Variants in BRINP1 observed in about 807,000 individuals in gnomAD.
The protein encoded by BRINP1 is BMP/retinoic acid inducible neural specific 1.
Under a neutral mutation model 72.9 loss-of-function variants are expected in BRINP1, and 17 were observed. The observed-to-expected ratio is 0.23, with a 90% CI of 0.16 to 0.35. The LOEUF (loss-of-function observed/expected upper bound fraction) is 0.35. Ranked by LOEUF, BRINP1 falls within the 10% of genes least tolerant of loss-of-function variation. The probability of loss-of-function intolerance (pLI) is 1.00; values close to 1 mark genes in which losing one functional copy is unlikely to be tolerated. For missense variants in BRINP1, 850 were observed against 1,001.6 expected (o/e 0.85, Z 2.04); for synonymous variants, 418 against 378.5 (o/e 1.10, Z -1.21).
intron 2 of BRINP1, among the ~76,000 whole-genome samples, chr9:119,281,312 A>C (rs906916066): frequency 6.6e-6 from 1 of 152,196 alleles, no homozygotes; most frequent in Non-Finnish European, 1.5e-5. Context: ...TGCAATCTGC[A>C]ATCAATCAGC....
intron 2 of BRINP1, among the ~76,000 whole-genome samples, chr9:119,285,113 C>T (rs1214902206): frequency 2.0e-5 from 3 of 151,582 alleles, no homozygotes; most frequent in African/African-American, 7.3e-5. Flanking sequence ...GCACGGTTCC[C>T]AAGGCCTTCT....
chr9:119,173,285 C>A (rs1010969384), intron 7 of BRINP1, among the ~76,000 whole-genome samples: 19 of 150,270 alleles, frequency 1.3e-4, no homozygotes, highest in African/African-American at 4.7e-4. Context: ...TCAGCAAAGT[C>A]TCAGGATACA....
At chr9:119,297,719 G>T (rs748825776) in intron 2 of BRINP1, among the ~76,000 whole-genome samples, 94 of 152,108 alleles carry the variant, frequency 6.2e-4, no homozygotes, top group Non-Finnish European at 1.1e-3. Flanking sequence ...GCTCATTTAG[G>T]TTCAACTGGC....
chr9:119,252,552 A>G (rs1830401425), intron 2 of BRINP1, among the ~76,000 whole-genome samples: 2 of 146,798 alleles, frequency 1.4e-5, no homozygotes, highest in South Asian at 2.2e-4. Context: ...ATATAGTCAT[A>G]CGTGTGTGTG....
chr9:119,210,761 T>C (rs187349424), intron 6 of BRINP1, among the ~76,000 whole-genome samples: 5 of 152,324 alleles, frequency 3.3e-5, no homozygotes, highest in Admixed American at 2.0e-4. Context: ...ACATCTTGAG[T>C]GCTGAACAGC....
At chr9:119,301,358 T>C (rs1315744451) in intron 2 of BRINP1, among the ~76,000 whole-genome samples, 1 of 152,246 alleles carries the variant, frequency 6.6e-6, no homozygotes, top group African/African-American at 2.4e-5. Flanking sequence ...TATTTCTTCC[T>C]TGTCAACTTT....
At chr9:119,354,701 A>T (rs1439367638) in intron 1 of BRINP1, among the ~76,000 whole-genome samples, 3 of 152,094 alleles carry the variant, frequency 2.0e-5, no homozygotes, top group Admixed American at 6.6e-5. Flanking sequence ...TCTCTAAAAA[A>T]AAAAAATAAA....
intron 1 of BRINP1, among the ~76,000 whole-genome samples, chr9:119,317,598 T>C (rs1406260826): frequency 1.3e-5 from 2 of 152,176 alleles, no homozygotes; most frequent in Non-Finnish European, 2.9e-5. Flanking sequence ...GATTTGAGAG[T>C]ACTGACTCTG....
intron 7 of BRINP1, among the ~76,000 whole-genome samples, chr9:119,194,039 A>G (rs1829708213): frequency 6.6e-6 from 1 of 152,218 alleles, no homozygotes; most frequent in Non-Finnish European, 1.5e-5. Context: ...AGAACTGCCC[A>G]GCTGAGGCCA....
chr9:119,223,501 A>C (rs957290424), intron 5 of BRINP1, among the ~76,000 whole-genome samples: 1 of 151,994 alleles, frequency 6.6e-6, no homozygotes, highest in Non-Finnish European at 1.5e-5. Context: ...ACATATTTCA[A>C]ATCCCAATGG....
intron 1 of BRINP1, among the ~76,000 whole-genome samples, chr9:119,317,518 A>G (rs1831136839): frequency 6.6e-6 from 1 of 152,246 alleles, no homozygotes; most frequent in African/African-American, 2.4e-5. Flanking sequence ...TGAAGATGCT[A>G]TGAACACTGT....
intron 5 of BRINP1, among the ~76,000 whole-genome samples, chr9:119,229,179 G>T (rs141150268): frequency 7.2e-4 from 110 of 152,164 alleles, no homozygotes; most frequent in Middle Eastern, 3.4e-3. Flanking sequence ...AAGGAACACT[G>T]CATTTATTCA....
intron 1 of BRINP1, among the ~76,000 whole-genome samples, chr9:119,347,804 A>AT (rs549035742): frequency 6.6e-6 from 1 of 151,900 alleles, no homozygotes; most frequent in East Asian, 1.9e-4. Context: ...TAAACCTTTT[A>AT]TTTTTTTTAA....
chr9:119,224,933 CA>C (rs1830075130), intron 5 of BRINP1, among the ~76,000 whole-genome samples: 1 of 151,958 alleles, frequency 6.6e-6, no homozygotes, highest in African/African-American at 2.4e-5. Context: ...AGGAAACGAA[CA>C]ATAATGTAAT....
At chr9:119,261,320 T>C (rs915588347) in intron 2 of BRINP1, among the ~76,000 whole-genome samples, 3 of 152,192 alleles carry the variant, frequency 2.0e-5, no homozygotes, top group East Asian at 3.8e-4. Flanking sequence ...CCTAGGTGAA[T>C]TGGACATCTT....
chr9:119,278,843 G>T (rs529294833), intron 2 of BRINP1, among the ~76,000 whole-genome samples: 1 of 152,226 alleles, frequency 6.6e-6, no homozygotes, highest in African/African-American at 2.4e-5. Flanking sequence ...AGCCGAGATT[G>T]CGCCACTGCA....
At position 119,226,332 on chromosome 9, in the gene BRINP1, C is replaced by T. The variant is rs532306057; in HGVS notation, c.686-12177G>A. Among the ~76,000 whole-genome samples, 92 of 152,162 alleles carry T rather than the reference C, an allele frequency of 6.0e-4. 1 individual carries two copies. The Middle Eastern group carries it at 0.01, about 17-fold the overall frequency. ...ATTTCTGCACAATCAATGAGATCGA[C>T]AAGGAATCTAATGGGACATGGTTGT... On this transcript the variant is annotated intron_variant, in intron 5 of 7. Transcript: ENST00000265922.
chr9:119,273,693 T>C (rs75267563), intron 2 of BRINP1, among the ~76,000 whole-genome samples: 2,475 of 152,288 alleles, frequency 0.016, 55 homozygotes, highest in African/African-American at 0.057. Context: ...ATGATCTCAT[T>C]AGTACTCATT....
intron 1 of BRINP1, among the ~76,000 whole-genome samples, chr9:119,323,992 T>C (rs1451589855): frequency 6.6e-6 from 1 of 152,232 alleles, no homozygotes; most frequent in Non-Finnish European, 1.5e-5. Flanking sequence ...TTTCCTTAAC[T>C]TTCATCCAAA....
Sources: gnomAD v4.1 joint callset for allele counts (sites outside exome capture counted in the v4.1 genomes callset) on GRCh38, gnomAD v4.1.1 for gene constraint, MANE v1.5 for transcripts, NCBI Gene and HGNC (gene_info 2026-07-23, HGNC 2026-07-21) for gene names.